LHFPL3: variants seen among roughly 807,000 people sequenced by gnomAD.
The protein encoded by LHFPL3 is LHFPL tetraspan subfamily member 3, also known as LHFPL tetraspan subfamily member 3 protein.
A neutral mutation model predicts 19.3 loss-of-function variants in LHFPL3; 5 were observed. That is an observed-to-expected ratio of 0.26 (90% confidence interval 0.14 to 0.54). The LOEUF (loss-of-function observed/expected upper bound fraction) is 0.54, where lower values mean the gene tolerates loss of function less well. Ranked by LOEUF, LHFPL3 falls within the 20% of genes least tolerant of loss-of-function variation. LHFPL3 has a pLI of 0.94. For missense variants in LHFPL3, 249 were observed against 307.4 expected, an observed-to-expected ratio of 0.81 and a Z score of 1.42; for synonymous variants, 133 against 126.2, an observed-to-expected ratio of 1.05 and a Z score of -0.36.
intron 2 of LHFPL3, among the ~76,000 whole-genome samples, chr7:104,861,585 G>A (rs1791619979): frequency 6.6e-6 from 1 of 152,150 alleles, no homozygotes; most frequent in African/African-American, 2.4e-5. Flanking sequence ...TGTAGCTGAA[G>A]CTGTCTGTAC....
intron 1 of LHFPL3, among the ~76,000 whole-genome samples, chr7:104,392,438 G>C (rs1298125775): frequency 1.3e-5 from 2 of 151,826 alleles, no homozygotes; most frequent in Non-Finnish European, 2.9e-5. Context: ...CATCTATTGA[G>C]ATAATCATGT....
In LHFPL3 at chr7:104,362,730, G is replaced by C. The variant is rs369995971; in HGVS notation, c.445+33506G>C. 4.6e-5 allele frequency among the ~76,000 whole-genome samples: 7 copies of C among 152,314 alleles called. No individual in the cohort carries two copies. The South Asian group carries it at 6.2e-4, about 14-fold the overall frequency. ...CAGAGTTTTATTATTACTCACATCA[G>C]CCTCCCTGAAAATTCAGAGGCTAGA... On this transcript the variant is annotated intron_variant, in intron 1 of 2. Transcript: ENST00000424859.
At chr7:104,471,417 A>G (rs957426101) in intron 1 of LHFPL3, among the ~76,000 whole-genome samples, 1 of 152,240 alleles carries the variant, frequency 6.6e-6, no homozygotes, top group African/African-American at 2.4e-5. Flanking sequence ...TAGTGTGCTA[A>G]CTATAGTTCT....
intron 1 of LHFPL3, among the ~76,000 whole-genome samples, chr7:104,365,713 A>G (rs10953425): frequency 0.53 from 74,369 of 139,086 alleles, 20,341 homozygotes; most frequent in Admixed American, 0.63. Flanking sequence ...CCCGGGAAGC[A>G]GAGCTTGCAG....
chr7:104,421,518 T>C (rs535405770), intron 1 of LHFPL3, among the ~76,000 whole-genome samples: 13 of 152,322 alleles, frequency 8.5e-5, no homozygotes, highest in Middle Eastern at 3.4e-3. Flanking sequence ...GAAGAGGTCA[T>C]GAAGATAATT....
At chr7:104,484,088 C>G (rs1295428300) in intron 1 of LHFPL3, among the ~76,000 whole-genome samples, 1 of 148,578 alleles carries the variant, frequency 6.7e-6, no homozygotes, top group East Asian at 1.9e-4. Context: ...AATTCCTTTC[C>G]CTTTCTTCCT....
chr7:104,769,458 C>CT (rs1347066337), intron 2 of LHFPL3, among the ~76,000 whole-genome samples: 1 of 151,216 alleles, frequency 6.6e-6, no homozygotes, highest in African/African-American at 2.4e-5. Context: ...ATAGCAATTT[C>CT]TTTTTTTATT....
intron 1 of LHFPL3, among the ~76,000 whole-genome samples, chr7:104,352,642 G>A (rs1366823271): frequency 3.9e-5 from 6 of 152,148 alleles, no homozygotes. Context: ...CCTGTAGTAG[G>A]CACTATTGAG....
At chr7:104,805,327 G>A (rs1246629464) in intron 2 of LHFPL3, among the ~76,000 whole-genome samples, 3 of 152,190 alleles carry the variant, frequency 2.0e-5, no homozygotes, top group East Asian at 1.9e-4. Context: ...CAGAACTAAA[G>A]GGTATACAAG....
intron 1 of LHFPL3, among the ~76,000 whole-genome samples, chr7:104,375,167 C>T (rs1214746940): frequency 1.3e-5 from 2 of 151,994 alleles, no homozygotes; most frequent in Non-Finnish European, 2.9e-5. Context: ...GGTGAAACCC[C>T]GTCTCTACTG....
rs556126464 is a variant in LHFPL3 at position 104,550,390 on chromosome 7, G to C, written c.446-186285G>C. Among the ~76,000 whole-genome samples, 15 of 152,254 alleles carry C rather than the reference G, an allele frequency of 9.9e-5. No individual in the cohort carries two copies. In the South Asian group the frequency reaches 3.1e-3, roughly 32 times the overall value. ...GAGAGTGGGATGGGGCTGTCAGGCG[G>C]TGGGATGATTGGAGGAAATGACAGT... is the stretch of plus-strand genomic sequence containing the variant. On this transcript the variant is annotated intron_variant, in intron 1 of 2. Transcript: ENST00000424859.
rs58118006 is a variant in LHFPL3, at chr7:104,575,559, T to TAAAAAAA, written c.446-161095_446-161089dup. Among the ~76,000 whole-genome samples, 108 of 36,166 alleles carry TAAAAAAA rather than the reference T, an allele frequency of 3.0e-3. 1 individual carries two copies. The highest frequency in any genetic ancestry group is 4.2e-3 in the African/African-American group (53 of 12,744). 23.7% of individuals were successfully genotyped at this position (36,166 alleles called of 152,430 possible). A position where few individuals can be genotyped will look rare whatever the true frequency, so the allele number is the denominator to read the frequency against. ...ACAGCTGATAGTGTCCAAAGAGATC[T>TAAAAAAA]AAAAAAAAAAAAAAAAAAAAAAAAA... On this transcript the variant is annotated intron_variant, in intron 1 of 2. Coordinates refer to ENST00000424859, the MANE Select transcript of LHFPL3 (RefSeq NM_199000.3).
chr7:104,461,131 G>A (rs896711962), intron 1 of LHFPL3, among the ~76,000 whole-genome samples: 1 of 152,198 alleles, frequency 6.6e-6, no homozygotes, highest in East Asian at 1.9e-4. Flanking sequence ...GGAAGGGGAG[G>A]CAAACACATC....
At chr7:104,890,916 G>A (rs972464345) in intron 2 of LHFPL3, among the ~76,000 whole-genome samples, 11 of 152,112 alleles carry the variant, frequency 7.2e-5, no homozygotes, top group Admixed American at 5.9e-4. Context: ...CACCAGCAGC[G>A]CCCCAGCTCC....
At chr7:104,758,605 T>C (rs1174007426) in intron 2 of LHFPL3, among the ~76,000 whole-genome samples, 1 of 152,136 alleles carries the variant, frequency 6.6e-6, no homozygotes, top group Non-Finnish European at 1.5e-5. Context: ...ACCAAAAATA[T>C]ATAAATAAAT....
chr7:104,655,623 G>T (rs541844686), intron 1 of LHFPL3, among the ~76,000 whole-genome samples: 1 of 152,314 alleles, frequency 6.6e-6, no homozygotes, highest in East Asian at 1.9e-4. Context: ...AGGGAATTTT[G>T]TTACAAGAAA....
intron 1 of LHFPL3, 94 bp downstream of exon 1, chr7:104,329,318 G>T: frequency 6.9e-7 from 1 of 1,450,274 alleles, no homozygotes; most frequent in Non-Finnish European, 9.2e-7. Flanking sequence ...TGTGCGCGCC[G>T]CTGCGAGCCA....
intron 1 of LHFPL3, among the ~76,000 whole-genome samples, chr7:104,348,540 G>T (rs547598758): frequency 6.6e-6 from 1 of 152,170 alleles, no homozygotes; most frequent in Non-Finnish European, 1.5e-5. Flanking sequence ...CTGAAAAAAA[G>T]ATATTCTGTT....
chr7:104,470,978 A>G (rs926038401), intron 1 of LHFPL3, among the ~76,000 whole-genome samples: 3 of 151,950 alleles, frequency 2.0e-5, no homozygotes, highest in Non-Finnish European at 4.4e-5. Flanking sequence ...ATTCCCATCC[A>G]TTGTCTTATT....
Sources: gnomAD v4.1 joint callset for allele counts (sites outside exome capture counted in the v4.1 genomes callset) on GRCh38, gnomAD v4.1.1 for gene constraint, MANE v1.5 for transcripts, NCBI Gene and HGNC (gene_info 2026-07-23, HGNC 2026-07-21) for gene names.